Variants in PECAM1 observed in about 807,000 individuals in gnomAD.
The protein encoded by PECAM1 is platelet endothelial cell adhesion molecule.
In PECAM1, 8 loss-of-function variants were observed where a neutral mutation model predicts 13.8. The observed-to-expected ratio is 0.58, with a 90% confidence interval of 0.34 to 1.05. The LOEUF (loss-of-function observed/expected upper bound fraction) is 1.05, where lower values mean the gene tolerates loss of function less well. Ranked by LOEUF, PECAM1 falls within the 50% of genes least tolerant of loss-of-function variation. PECAM1 has a pLI of 0.03. For synonymous variants in PECAM1, 136 were observed against 52.6 expected, an observed-to-expected ratio of 2.58 and a Z score of -6.86; for missense variants, 304 against 141.2, an observed-to-expected ratio of 2.15 and a Z score of -5.84.
intron 15 of PECAM1, among the ~76,000 whole-genome samples, chr17:64,327,479 C>T (rs933537437): frequency 2.0e-5 from 3 of 152,204 alleles, no homozygotes; most frequent in Non-Finnish European, 4.4e-5. Context: ...GATCCTAGCA[C>T]CTGGACAGTT....
chr17:64,384,147 T>A (rs1479101801), intron 2 of PECAM1, among the ~76,000 whole-genome samples: 1 of 151,622 alleles, frequency 6.6e-6, no homozygotes, highest in African/African-American at 2.4e-5. Context: ...ATAAATAAAT[T>A]AACAATAAAC....
At chr17:64,377,592 CAG>C in intron 3 of PECAM1, 1 of 106,548 alleles carries the variant, frequency 9.4e-6, no homozygotes, top group Non-Finnish European at 1.7e-5. Flanking sequence ...GACTGGGTGA[CAG>C]AGTGAGACTC....
At chr17:64,348,190 C>T (rs2035629520) in intron 13 of PECAM1, 70 bp downstream of exon 13, 2 of 469,008 alleles carry the variant, frequency 4.3e-6, no homozygotes, top group Non-Finnish European at 3.9e-6. Flanking sequence ...GAACACAGCA[C>T]CCCCGCCACC....
intron 2 of PECAM1, among the ~76,000 whole-genome samples, chr17:64,384,674 T>A (rs2036554949): frequency 1.3e-5 from 2 of 152,194 alleles, no homozygotes. Flanking sequence ...AGCCTTCAGA[T>A]AACCGCAACC....
rs1450674246 is a variant in PECAM1 at position 64,320,542 on chromosome 17, A to G, written c.*3274T>C. ...CCACTTTCCTCTTAGACCTTCCTGG[A>G]TCCCCCAAAGTCTGTGTTGGAAGCC... On this transcript the variant is annotated 3_prime_UTR_variant, in exon 16 of 16. Transcript: ENST00000563924. 6.6e-6 allele frequency: 1 copy of G among 152,226 alleles called. No homozygotes were observed. Among genetic ancestry groups the G allele is most frequent in the Non-Finnish European group, 1.5e-5 (1 of 68,136 alleles). 9.4% of individuals were successfully genotyped at this position (152,226 alleles called of 1,614,324 possible).
intron 3 of PECAM1, among the ~76,000 whole-genome samples, chr17:64,376,128 A>C (rs1197383759): frequency 1.3e-5 from 2 of 151,792 alleles, no homozygotes; most frequent in East Asian, 3.9e-4. Context: ...ACATGGCGAA[A>C]CCCCATCTCT....
intron 13 of PECAM1, among the ~76,000 whole-genome samples, chr17:64,343,589 G>T (rs964270519): frequency 6.6e-6 from 1 of 152,192 alleles, no homozygotes; most frequent in Non-Finnish European, 1.5e-5. Flanking sequence ...TGACAGTAAT[G>T]GTGGTGGCTC....
At chr17:64,379,307 C>G (rs2036431108) in intron 2 of PECAM1, among the ~76,000 whole-genome samples, 1 of 152,166 alleles carries the variant, frequency 6.6e-6, no homozygotes, top group African/African-American at 2.4e-5. Flanking sequence ...AACTACAGAT[C>G]ACATATTGAG....
At chr17:64,334,798 C>T (rs1485041869) in intron 14 of PECAM1, among the ~76,000 whole-genome samples, 4 of 151,980 alleles carry the variant, frequency 2.6e-5, no homozygotes, top group Admixed American at 2.0e-4. Flanking sequence ...TGAGCCACTG[C>T]GCACGGCCCT....
intron 13 of PECAM1, among the ~76,000 whole-genome samples, chr17:64,342,743 C>A (rs1598010213): frequency 6.6e-6 from 1 of 151,990 alleles, no homozygotes. Flanking sequence ...GACTCAAGGG[C>A]GCCCTTCCTG....
chr17:64,384,679 G>A (rs1254922766), intron 2 of PECAM1, among the ~76,000 whole-genome samples: 2 of 152,094 alleles, frequency 1.3e-5, no homozygotes, highest in Non-Finnish European at 2.9e-5. Flanking sequence ...TCAGATAACC[G>A]CAACCCTGAC....
chr17:64,350,417 G>C lies in PECAM1; in HGVS notation c.2007C>G (p.Val669=), dbSNP rs908266261. The change falls in exon 12 of 16, where the codon GTC becomes GTG. Residue 669 remains valine, a synonymous_variant. Transcript: ENST00000563924. ...TTATTGGTTTCATTGCATGGTTTCT[G>C]ACATCGTCATTGTGACCTAGTTGAA... ...ANSHYGHNDD[V]RNHAMKPIND... 4.4e-5 allele frequency: 19 copies of C among 429,816 alleles called. No individual in the cohort carries two copies. The highest frequency in any genetic ancestry group is 7.3e-5 in the Non-Finnish European group (17 of 234,258). The allele number at this position is 429,816 out of a possible 1,614,324, so 26.6% of individuals were successfully genotyped here. A position where few individuals can be genotyped will look rare whatever the true frequency, so the allele number is the denominator to read the frequency against.
At chr17:64,327,529 G>C (rs1299581639) in intron 15 of PECAM1, among the ~76,000 whole-genome samples, 1 of 152,188 alleles carries the variant, frequency 6.6e-6, no homozygotes, top group African/African-American at 2.4e-5. Context: ...CCAGGAAGGG[G>C]GGAGGCGAGC....
chr17:64,353,314 CA>C (rs2035771486), intron 10 of PECAM1, among the ~76,000 whole-genome samples, 176 bp downstream of exon 10: 1 of 147,564 alleles, frequency 6.8e-6, no homozygotes, highest in Non-Finnish European at 1.5e-5. Flanking sequence ...GGTACACACA[CA>C]CACACACACA....
rs1269499678 is a variant in PECAM1 at position 64,341,068 on chromosome 17, C to T, written c.2164+566G>A. ...CCGAGATCGCTCCATTGCACCCCAG[C>T]CTGGGCATCAAGAGCGAAACTCTGT... On this transcript the variant is annotated intron_variant, in intron 14 of 15. Coordinates refer to ENST00000563924, the MANE Select transcript of PECAM1 (RefSeq NM_000442.5). Among the ~76,000 whole-genome samples, 26 of 146,118 alleles carry T rather than the reference C, an allele frequency of 1.8e-4. No individual in the cohort carries two copies. The East Asian group carries it at 5.2e-3, about 29-fold the overall frequency.
intron 6 of PECAM1, among the ~76,000 whole-genome samples, chr17:64,360,752 C>T (rs923403642): frequency 1.3e-5 from 2 of 149,778 alleles, no homozygotes. Flanking sequence ...ACATAATATA[C>T]TTTTCTTGTG....
At chr17:64,356,464 C>T (rs1490466587) in intron 7 of PECAM1, 66 bp from the exon 8 acceptor site, 6 of 415,478 alleles carry the variant, frequency 1.4e-5, no homozygotes, top group Non-Finnish European at 2.6e-5. Context: ...ATGAGACAGC[C>T]ACTGCTCAAC....
chr17:64,330,592 C>A (rs1339726222), intron 14 of PECAM1, among the ~76,000 whole-genome samples: 14 of 149,632 alleles, frequency 9.4e-5, no homozygotes, highest in African/African-American at 1.7e-4. Flanking sequence ...GCTGAGATCG[C>A]ACCACTGCAC....
chr17:64,369,603 C>G (rs1185430897), intron 5 of PECAM1, 147 bp downstream of exon 5: 3 of 396,678 alleles, frequency 7.6e-6, no homozygotes, highest in Admixed American at 4.4e-5. Flanking sequence ...GGTTTCTTCC[C>G]ACGAGCACCA....
Sources: gnomAD v4.1 joint callset for allele counts (sites outside exome capture counted in the v4.1 genomes callset) on GRCh38, gnomAD v4.1.1 for gene constraint, MANE v1.5 for transcripts, NCBI Gene and HGNC (gene_info 2026-07-23, HGNC 2026-07-21) for gene names.